Variants in PAPPA2 observed in about 807,000 individuals in gnomAD.
PAPPA2 encodes pappalysin-2.
A neutral mutation model predicts 176.4 loss-of-function variants in PAPPA2; 86 were observed. The observed-to-expected ratio is 0.49, with a 90% CI of 0.41 to 0.58. PAPPA2 has a LOEUF of 0.58. Among genes scored for constraint, PAPPA2 ranks in the 20% least tolerant of loss-of-function variants. The pLI is 0.00. For missense variants in PAPPA2, 2,073 were observed against 2,256.9 expected, an observed-to-expected ratio of 0.92 and a Z score of 1.65; for synonymous variants, 809 against 852.2, an observed-to-expected ratio of 0.95 and a Z score of 0.88.
At chr1:176,808,107 A>T (rs1665985992) in intron 21 of PAPPA2, among the ~76,000 whole-genome samples, 1 of 152,104 alleles carries the variant, frequency 6.6e-6, no homozygotes. Context: ...CCTTGTCTTT[A>T]AGTAGTTCAC....
chr1:176,790,365 G>A lies in PAPPA2; in HGVS notation c.4884+388G>A, dbSNP rs573438548. Among the ~76,000 whole-genome samples the A allele has an allele frequency of 3.9e-5, 6 of 152,228 alleles. No homozygotes were observed. The South Asian group carries it at 1.2e-3, about 32-fold the overall frequency. On this transcript the variant is annotated intron_variant, in intron 18 of 22. Coordinates refer to ENST00000367662, the MANE Select transcript of PAPPA2 (RefSeq NM_020318.3). The stretch of plus-strand genomic sequence containing the variant: ...GAAACACAAATTCCTCGGCAAAGCT[G>A]GAAGTGCTGTTTGACTCTTCCCCTC...
intron 4 of PAPPA2, among the ~76,000 whole-genome samples, chr1:176,678,197 T>C (rs535483590): frequency 6.6e-6 from 1 of 152,268 alleles, no homozygotes; most frequent in South Asian, 2.1e-4. Flanking sequence ...ACTTTTTCTC[T>C]CGTACCTGTG....
At chr1:176,481,455 G>C (rs923538345) in intron 1 of PAPPA2, among the ~76,000 whole-genome samples, 1 of 151,998 alleles carries the variant, frequency 6.6e-6, no homozygotes, top group South Asian at 2.1e-4. Flanking sequence ...GGGACATCTA[G>C]TGTGGCCAGG....
chr1:176,759,322 T>A (rs530226478), intron 14 of PAPPA2, among the ~76,000 whole-genome samples: 24 of 152,334 alleles, frequency 1.6e-4, no homozygotes, highest in African/African-American at 5.8e-4. Flanking sequence ...TTGGGCTAAC[T>A]TTTCTCATTT....
intron 10 of PAPPA2, among the ~76,000 whole-genome samples, chr1:176,707,552 G>A (rs1660929553): frequency 6.6e-6 from 1 of 152,158 alleles, no homozygotes; most frequent in Admixed American, 6.5e-5. Flanking sequence ...TGACAGATGA[G>A]TTTCTAGCTT....
intron 3 of PAPPA2, among the ~76,000 whole-genome samples, chr1:176,604,534 T>A (rs1430183773): frequency 6.6e-6 from 1 of 152,222 alleles, no homozygotes; most frequent in Non-Finnish European, 1.5e-5. Context: ...TGGAATACAG[T>A]TACACTCACT....
In PAPPA2 at chr1:176,595,138, C is replaced by T; in HGVS notation, c.1534C>T (p.Gln512Ter). 6.2e-7 allele frequency: 1 copy of T among 1,614,208 alleles called. No homozygotes were observed. The highest frequency in any genetic ancestry group is 8.5e-7 in the Non-Finnish European group (1 of 1,180,046). ...TVCDNVELIS[Q>*]YNGYWPLRGE... ...CTGTGACAATGTGGAATTGATCTCC[C>T]AGTACAATGGATACTGGCCCCTTCG... Residue 512 changes from glutamine (Q) to a stop codon, truncating the protein, a stop_gained, in exon 3 of 23, where the codon CAG (glutamine) becomes TAG (stop). Transcript: ENST00000367662. LOFTEE classifies it high-confidence loss of function.
chr1:176,583,906 T>A (rs1653131695), intron 2 of PAPPA2, among the ~76,000 whole-genome samples: 1 of 152,042 alleles, frequency 6.6e-6, no homozygotes, highest in Admixed American at 6.6e-5. Flanking sequence ...AATTAAAAAA[T>A]TAGGTAGATG....
chr1:176,842,349 A>G, intron 22 of PAPPA2, 31 bp from the exon 23 acceptor site: 1 of 1,565,178 alleles, frequency 6.4e-7, no homozygotes, highest in Non-Finnish European at 8.8e-7. Flanking sequence ...CACAGAAATG[A>G]GCTATTTCTA....
rs1651354404 is a variant in PAPPA2, at chr1:176,557,057, G to A, written c.735G>A (p.Glu245=). 1.9e-6 allele frequency: 3 copies of A among 1,613,656 alleles called. No individual in the cohort carries two copies. The highest frequency in any genetic ancestry group is 2.5e-6 in the Non-Finnish European group (3 of 1,179,880). Residue 245 remains glutamate (E), a synonymous_variant, in exon 2 of 23, where the codon GAG becomes GAA. Coordinates refer to ENST00000367662, the MANE Select transcript of PAPPA2 (RefSeq NM_020318.3). The part of the protein sequence containing the change: ...PPEESNQNGG[E]GSYREAETFN... ...AGGAAAGCAACCAAAATGGTGGAGAGGGCTCCTACCGAGAAGCAGAGACCT... is the reference window on the plus strand; with the variant it reads ...AGGAAAGCAACCAAAATGGTGGAGAAGGCTCCTACCGAGAAGCAGAGACCT...
chr1:176,792,851 T>C (rs372775218), intron 19 of PAPPA2, among the ~76,000 whole-genome samples: 251 of 152,282 alleles, frequency 1.6e-3, no homozygotes, highest in African/African-American at 5.9e-3. Flanking sequence ...GTATTTTCTC[T>C]TAATATAATT....
intron 1 of PAPPA2, among the ~76,000 whole-genome samples, chr1:176,478,080 G>C (rs568537346): frequency 1.3e-5 from 2 of 152,150 alleles, no homozygotes; most frequent in African/African-American, 4.8e-5. Context: ...ATCACCTTGC[G>C]TAGGAACTAT....
chr1:176,686,984 C>G (rs1466073568), intron 4 of PAPPA2, among the ~76,000 whole-genome samples: 1 of 152,164 alleles, frequency 6.6e-6, no homozygotes. Context: ...CATAAGAGGT[C>G]TAGGACCTTG....
At chr1:176,470,379 G>T (rs1397395438) in intron 1 of PAPPA2, among the ~76,000 whole-genome samples, 3 of 152,180 alleles carry the variant, frequency 2.0e-5, no homozygotes, top group African/African-American at 7.2e-5. Flanking sequence ...TCAATGGACA[G>T]TTGTGTAAAA....
chr1:176,695,784 C>T lies in PAPPA2; in HGVS notation c.2671C>T (p.Arg891Cys), dbSNP rs745653226. ...CGACTEDGTF[R>C]QYVHTASSRR... ...CGCTTGCACTGAAGATGGGACCTTT[C>T]GTCAGTATGTGCACACAGCTTCCTC... The change falls in exon 7 of 23, where the codon CGT becomes TGT. Residue 891 changes from arginine to cysteine, a missense_variant. By Grantham distance (180) the Arg-to-Cys change is radical (BLOSUM62 -3). Coordinates refer to ENST00000367662, the MANE Select transcript of PAPPA2 (RefSeq NM_020318.3). 1.8e-5 allele frequency: 29 copies of T among 1,613,982 alleles called. No individual in the cohort carries two copies. The highest frequency in any genetic ancestry group is 4.4e-5 in the South Asian group (4 of 91,088).
intron 2 of PAPPA2, among the ~76,000 whole-genome samples, chr1:176,578,901 C>T (rs531345562): frequency 1.9e-4 from 29 of 152,254 alleles, no homozygotes; most frequent in South Asian, 1.5e-3. Context: ...CCCCTTTTGT[C>T]GCTACCATAA....
chr1:176,480,007 C>A (rs1000159578), intron 1 of PAPPA2, among the ~76,000 whole-genome samples: 1 of 152,214 alleles, frequency 6.6e-6, no homozygotes, highest in African/African-American at 2.4e-5. Context: ...CCCCTTTCCC[C>A]CTCCCTCTGG....
At chr1:176,666,893 T>C (rs1468970172) in intron 3 of PAPPA2, among the ~76,000 whole-genome samples, 1 of 151,798 alleles carries the variant, frequency 6.6e-6, no homozygotes, top group African/African-American at 2.4e-5. Context: ...AGGGTGACAA[T>C]GAGAATGGAT....
chr1:176,832,607 C>T (rs1182838655), intron 21 of PAPPA2, among the ~76,000 whole-genome samples: 1 of 152,172 alleles, frequency 6.6e-6, no homozygotes, highest in Non-Finnish European at 1.5e-5. Context: ...CCCACCTCGG[C>T]CTCCCAAAGT....
Sources: allele counts gnomAD v4.1 joint callset (sites outside exome capture counted in the v4.1 genomes callset), GRCh38; gene constraint gnomAD v4.1.1; transcripts MANE v1.5; gene names NCBI Gene and HGNC (gene_info 2026-07-23, HGNC 2026-07-21).